The following MAP3K5 variants were observed in gnomAD, a reference collection of about 807,000 sequenced individuals.
MAP3K5 encodes the protein mitogen-activated protein kinase kinase kinase 5.
A neutral mutation model predicts 158.7 loss-of-function variants in MAP3K5; 56 were observed. That is an observed-to-expected ratio of 0.35 (90% CI 0.28 to 0.44). The LOEUF is 0.44. Ranked by LOEUF, MAP3K5 falls within the 20% of genes least tolerant of loss-of-function variation. The probability of loss-of-function intolerance (pLI) is 1.00; values close to 1 mark genes in which losing one functional copy is unlikely to be tolerated. For missense variants in MAP3K5, 1,294 were observed against 1,674.8 expected, an observed-to-expected ratio of 0.77 and a Z score of 3.97; for synonymous variants, 579 against 601.7, an observed-to-expected ratio of 0.96 and a Z score of 0.55.
chr6:136,700,386 A>G (rs11154880), intron 3 of MAP3K5, among the ~76,000 whole-genome samples: 74,643 of 151,892 alleles, frequency 0.49, 18,633 homozygotes, highest in South Asian at 0.62. Flanking sequence ...CTGGTAACTG[A>G]TAACAACCTG....
chr6:136,672,562 G>A (rs1484511350), intron 7 of MAP3K5, among the ~76,000 whole-genome samples: 2 of 152,188 alleles, frequency 1.3e-5, no homozygotes, highest in African/African-American at 4.8e-5. Context: ...CAGGACATTC[G>A]TTGAATGCTG....
rs536173457 is a variant in MAP3K5 at position 136,749,966 on chromosome 6, G to A, written c.449-29377C>T. ...TCCTCCTCCTCCAACATATAAACCC[G>A]CAAACAACCAGTCATTATCCAAATG... On this transcript the variant is annotated intron_variant, in intron 1 of 29. Coordinates refer to ENST00000359015, the MANE Select transcript of MAP3K5 (RefSeq NM_005923.4). Among the ~76,000 whole-genome samples the A allele has an allele frequency of 5.3e-5, 8 of 152,134 alleles. No homozygotes were observed. In the South Asian group the frequency reaches 1.5e-3, roughly 28 times the overall value.
chr6:136,622,536 T>A (rs1416917675), intron 15 of MAP3K5, among the ~76,000 whole-genome samples: 2 of 152,130 alleles, frequency 1.3e-5, no homozygotes, highest in Non-Finnish European at 2.9e-5. Flanking sequence ...CTAGAACTGG[T>A]TCCAACCTAA....
At chr6:136,586,352 T>C (rs776422859) in intron 23 of MAP3K5, among the ~76,000 whole-genome samples, 3 of 152,246 alleles carry the variant, frequency 2.0e-5, no homozygotes, top group Non-Finnish European at 4.4e-5. Context: ...TTTTTCGACA[T>C]TAACTTTGTT....
intron 8 of MAP3K5, among the ~76,000 whole-genome samples, chr6:136,665,861 A>T (rs1779209214): frequency 6.6e-6 from 1 of 152,138 alleles, no homozygotes; most frequent in Admixed American, 6.6e-5. Flanking sequence ...GTACAGTAAT[A>T]TATATTTTCT....
rs60678515 is a variant in MAP3K5, at chr6:136,716,027, CAAAAAAAAAAAAAAAAAAAAA to C, written c.588+4402_588+4422del. ...CCCGGGTGACAAAGCAAGATCGTCT[CAAAAAAAAAAAAAAAAAAAAA>C]AAAAAAAAAAAAAAAAAATTACAGC... On this transcript the variant is annotated intron_variant, in intron 2 of 29. Coordinates refer to ENST00000359015, the MANE Select transcript of MAP3K5 (RefSeq NM_005923.4). Among the ~76,000 whole-genome samples, 137 of 23,048 alleles carry C rather than the reference CAAAAAAAAAAAAAAAAAAAAA, an allele frequency of 5.9e-3. 1 individual carries two copies. In the East Asian group the frequency reaches 0.09, roughly 15 times the overall value. The allele number at this position is 23,048 out of a possible 152,430, so 15.1% of individuals were successfully genotyped here. A position where few individuals can be genotyped will look rare whatever the true frequency, so the allele number is the denominator to read the frequency against.
intron 1 of MAP3K5, among the ~76,000 whole-genome samples, chr6:136,734,421 G>GAAAAA (rs1016817563): frequency 1.8e-5 from 1 of 56,736 alleles, no homozygotes; most frequent in African/African-American, 6.9e-5. Flanking sequence ...CTCTGTCTCG[G>GAAAAA]AAAAAAAAAA....
intron 1 of MAP3K5, among the ~76,000 whole-genome samples, chr6:136,783,642 A>C (rs1054962694): frequency 2.6e-5 from 4 of 152,166 alleles, no homozygotes; most frequent in Admixed American, 2.0e-4. Flanking sequence ...CATGTTCTAC[A>C]GCCACAGTGA....
At chr6:136,608,312 C>T (rs1174989531) in intron 18 of MAP3K5, among the ~76,000 whole-genome samples, 1 of 151,174 alleles carries the variant, frequency 6.6e-6, no homozygotes, top group Non-Finnish European at 1.5e-5. Context: ...AGCAATAGGA[C>T]TTGGTTTATG....
chr6:136,595,913 G>A (rs1239795994), intron 21 of MAP3K5, among the ~76,000 whole-genome samples: 1 of 152,140 alleles, frequency 6.6e-6, no homozygotes, highest in East Asian at 1.9e-4. Context: ...AGGAGGCTGA[G>A]GCAGGAGAAT....
intron 1 of MAP3K5, among the ~76,000 whole-genome samples, chr6:136,746,353 GATAA>G (rs1782959249): frequency 6.6e-6 from 1 of 152,098 alleles, no homozygotes. Context: ...ACAGGTGGAA[GATAA>G]TCTTACCTGT....
At chr6:136,754,997 T>C (rs188614182) in intron 1 of MAP3K5, among the ~76,000 whole-genome samples, 1 of 152,290 alleles carries the variant, frequency 6.6e-6, no homozygotes, top group Admixed American at 6.5e-5. Context: ...CCATCAATTC[T>C]ACTTCCTGCT....
In MAP3K5 at chr6:136,720,598, A is replaced by G. The variant is rs781070033; in HGVS notation, c.449-9T>C. The G allele has an allele frequency of 2.5e-6, 4 of 1,602,266 alleles. No homozygotes were observed. Among genetic ancestry groups the G allele is most frequent in the South Asian group, 2.2e-5 (2 of 89,260 alleles). ...CTCCACCACCGCAATATCTGCAAAC[A>G]GAAAACAAAGTCCCCCAAAGAATGA... On this transcript the variant is annotated splice_polypyrimidine_tract_variant and intron_variant, in intron 1 of 29. Coordinates refer to ENST00000359015, the MANE Select transcript of MAP3K5 (RefSeq NM_005923.4).
intron 8 of MAP3K5, among the ~76,000 whole-genome samples, chr6:136,667,883 C>A (rs187812884): frequency 6.6e-6 from 1 of 151,854 alleles, no homozygotes; most frequent in Admixed American, 6.6e-5. Context: ...GACCTTTATG[C>A]CTTTAATACC....
At chr6:136,777,427 C>T (rs1784441783) in intron 1 of MAP3K5, among the ~76,000 whole-genome samples, 1 of 152,164 alleles carries the variant, frequency 6.6e-6, no homozygotes, top group Admixed American at 6.5e-5. Context: ...GCAATTGCAG[C>T]TCACTGCAGC....
At chr6:136,745,227 T>C (rs986888926) in intron 1 of MAP3K5, among the ~76,000 whole-genome samples, 1 of 151,628 alleles carries the variant, frequency 6.6e-6, no homozygotes, top group South Asian at 2.1e-4. Flanking sequence ...TTCCTTTAAA[T>C]TGAATAGACG....
rs199910077 is a variant in MAP3K5 at position 136,562,482 on chromosome 6, A to C, written c.3874+21T>G. On this transcript the variant is annotated intron_variant, in intron 27 of 29. Transcript: ENST00000359015. ...GGCAGCCTGGCTGAACAGTATTACTATAAAACTTTCTGCTATTCACCTATG... is the reference window on the plus strand; with the variant it reads ...GGCAGCCTGGCTGAACAGTATTACTCTAAAACTTTCTGCTATTCACCTATG... 5.8e-5 allele frequency: 79 copies of C among 1,350,920 alleles called. No homozygotes were observed. In the African/African-American group the frequency reaches 1.1e-3, roughly 19 times the overall value. The allele number at this position is 1,350,920 out of a possible 1,614,324, so 83.7% of individuals were successfully genotyped here.
intron 25 of MAP3K5, among the ~76,000 whole-genome samples, chr6:136,569,857 G>T (rs928839972): frequency 2.0e-5 from 3 of 151,930 alleles, no homozygotes; most frequent in Non-Finnish European, 4.4e-5. Context: ...CCTTAAACTT[G>T]GTCCACAAAA....
chr6:136,691,097 T>C (rs1466962505), intron 7 of MAP3K5, among the ~76,000 whole-genome samples: 1 of 152,180 alleles, frequency 6.6e-6, no homozygotes, highest in East Asian at 1.9e-4. Context: ...GACCTTTTCT[T>C]GTATTTCTGT....
Sources: gnomAD v4.1 joint callset for allele counts (sites outside exome capture counted in the v4.1 genomes callset) on GRCh38, gnomAD v4.1.1 for gene constraint, MANE v1.5 for transcripts, NCBI Gene and HGNC (gene_info 2026-07-23, HGNC 2026-07-21) for gene names.